GMEB2: variants seen among roughly 807,000 people sequenced by gnomAD.
GMEB2 encodes the protein glucocorticoid modulatory element-binding protein 2.
GMEB2 carries 7 observed loss-of-function variants against 45.7 expected under a neutral mutation model. The observed-to-expected ratio is 0.15, with a 90% confidence interval of 0.09 to 0.29. GMEB2 has a LOEUF of 0.29. Among genes scored for constraint, GMEB2 ranks in the 10% least tolerant of loss-of-function variants. The probability of loss-of-function intolerance (pLI) is 1.00; values close to 1 mark genes in which losing one functional copy is unlikely to be tolerated. For synonymous variants in GMEB2, 322 were observed against 323.6 expected, an observed-to-expected ratio of 1.00 and a Z score of 0.05; for missense variants, 582 against 739.2, an observed-to-expected ratio of 0.79 and a Z score of 2.47.
intron 2 of GMEB2, among the ~76,000 whole-genome samples, chr20:63,609,824 A>C (rs1483017530): frequency 4.9e-3 from 95 of 19,230 alleles, no homozygotes; most frequent in Admixed American, 0.01. Flanking sequence ...CCTCTGACCC[A>C]CACCTCCATT....
chr20:63,592,625 A>G lies in GMEB2; in HGVS notation c.737T>C (p.Leu246Pro). ...GTGGAACTCCTGGATGACCTCGTCC[A>G]GCAGGCCGGCGTCCTTCAGCCCCCG... is the stretch of plus-strand genomic sequence containing the variant. ...FWRGLKDAGL[L>P]DEVIQEFHQE... is the part of the protein sequence containing the mutation. The change falls in exon 8 of 10, where the codon CTG (leucine) becomes CCG (proline). Residue 246 changes from leucine (L) to proline (P), a missense_variant. By Grantham distance (98) the Leu-to-Pro change is moderately conservative. Coordinates refer to ENST00000370077, the MANE Select transcript of GMEB2 (RefSeq NM_012384.5). This position sits in a 1 kb window ranked among gnomAD's most constrained non-coding sequence, Gnocchi z 8.2. 1 of 1,612,974 alleles carries G rather than the reference A, an allele frequency of 6.2e-7. No individual in the cohort carries two copies. Among genetic ancestry groups the G allele is most frequent in the Non-Finnish European group, 8.5e-7 (1 of 1,179,014 alleles).
chr20:63,589,496 T>G lies in GMEB2; in HGVS notation c.*593A>C. ...CGGGGGAGGCAGGCACCCATCAGGA[T>G]CTGCACCCCAAGCTCCGGGTGCATG... On this transcript the variant is annotated 3_prime_UTR_variant, in exon 10 of 10. Transcript: ENST00000370077. 3.5e-6 allele frequency: 1 copy of G among 283,396 alleles called. No homozygotes were observed. Among genetic ancestry groups the G allele is most frequent in the Non-Finnish European group, 6.5e-6 (1 of 152,988 alleles). 17.6% of individuals were successfully genotyped at this position (283,396 alleles called of 1,614,324 possible).
intron 4 of GMEB2, among the ~76,000 whole-genome samples, chr20:63,599,785 G>A (rs891876220): frequency 3.3e-5 from 5 of 152,118 alleles, no homozygotes; most frequent in East Asian, 1.9e-4. Flanking sequence ...GCTCTCACAC[G>A]TGCGTTCCGG....
chr20:63,598,892 T>G (rs1342925957), intron 4 of GMEB2, among the ~76,000 whole-genome samples: 1 of 152,188 alleles, frequency 6.6e-6, no homozygotes, highest in Non-Finnish European at 1.5e-5. Flanking sequence ...GAAACTCAAC[T>G]GCACCCAAAG....
Position 63,590,259 on chromosome 20 carries a change from G to A in GMEB2, c.1423C>T (p.Leu475=), listed in dbSNP as rs761845041. ...AGGCCAGGCAACGTGAGCAGCTGTAGCGGGCTGACCACCTTGAACACCGTG... is the reference window on the plus strand; with the variant it reads ...AGGCCAGGCAACGTGAGCAGCTGTAACGGGCTGACCACCTTGAACACCGTG... ...GSTVFKVVSP[L]QLLTLPGLGP... Residue 475 remains leucine (L), a synonymous_variant, in exon 10 of 10, where the codon CTA becomes TTA. Transcript: ENST00000370077. The A allele has an allele frequency of 1.9e-6, 3 of 1,612,394 alleles. No individual in the cohort carries two copies. Among genetic ancestry groups the A allele is most frequent in the Non-Finnish European group, 2.5e-6 (3 of 1,179,812 alleles).
chr20:63,603,104 C>T lies in GMEB2; in HGVS notation c.230-12G>A, dbSNP rs1429797699. The stretch of plus-strand genomic sequence containing the variant: ...TTCAGCCATCTTCACTTCTCACAGG[C>T]ACATTGACAGGGAAGGGTAAAAGCA... On this transcript the variant is annotated splice_polypyrimidine_tract_variant and intron_variant, in intron 3 of 9. Transcript: ENST00000370077. 3 of 1,613,730 alleles carry T rather than the reference C, an allele frequency of 1.9e-6. No homozygotes were observed. Among genetic ancestry groups the T allele is most frequent in the South Asian group, 2.2e-5 (2 of 91,062 alleles).
Position 63,612,556 on chromosome 20 carries a change from T to G in GMEB2, c.131+6711A>C, listed in dbSNP as rs558725252. ...CCACAGAAATGATCTCAACGTTTTGTAACTTCCTACCAAGAGGCAGTCTTA... is the reference window on the plus strand; with the variant it reads ...CCACAGAAATGATCTCAACGTTTTGGAACTTCCTACCAAGAGGCAGTCTTA... On this transcript the variant is annotated intron_variant, in intron 2 of 9. Coordinates refer to ENST00000370077, the MANE Select transcript of GMEB2 (RefSeq NM_012384.5). Among the ~76,000 whole-genome samples the G allele has an allele frequency of 6.8e-4, 103 of 152,352 alleles. 1 individual carries two copies. The highest frequency in any genetic ancestry group is 2.3e-3 in the African/African-American group (97 of 41,578).
intron 3 of GMEB2, 43 bp from the exon 4 acceptor site, chr20:63,603,135 T>C (rs1012300076): frequency 1.2e-6 from 2 of 1,607,824 alleles, no homozygotes; most frequent in Non-Finnish European, 1.7e-6. Flanking sequence ...AAGCAGAACA[T>C]CAGTTACAAC....
In GMEB2 at chr20:63,592,076, T is replaced by C. The variant is rs765871536; in HGVS notation, c.898A>G (p.Ser300Gly). Residue 300 changes from serine (S) to glycine (G), a missense_variant, in exon 9 of 10, where the codon AGC becomes GGC. Physicochemically the swap from Ser to Gly is moderately conservative, Grantham distance 56 (BLOSUM62 0). This residue lies in a region of GMEB2 where 462 missense variants were observed against 586.7 expected (regional missense o/e 0.79). Coordinates refer to ENST00000370077, the MANE Select transcript of GMEB2 (RefSeq NM_012384.5). This position sits in a 1 kb window ranked among gnomAD's most constrained non-coding sequence, Gnocchi z 8.2. ...GAGCGGTCCATCTGGCACTTGTGGC[T>C]GGCCAGCACCTTCTTCACCAGGTCC... ...MLDLVKKVLA[S>G]HKCQMDRSRE... 3.1e-6 allele frequency: 5 copies of C among 1,613,698 alleles called. No individual in the cohort carries two copies. In the East Asian group the frequency reaches 1.1e-4, roughly 36 times the overall value.
At position 63,615,829 on chromosome 20, in the gene GMEB2, C is replaced by T. The variant is rs116320473; in HGVS notation, c.131+3438G>A. On this transcript the variant is annotated intron_variant, in intron 2 of 9. Coordinates refer to ENST00000370077, the MANE Select transcript of GMEB2 (RefSeq NM_012384.5). ...GCTCCCTTTGTGGGGGTTCATCCAG[C>T]GGAACATGAGGACCTGGGGTGCTTT... Among the ~76,000 whole-genome samples, 879 of 152,152 alleles carry T rather than the reference C, an allele frequency of 5.8e-3. 7 individuals carry two copies. Among genetic ancestry groups the T allele is most frequent in the African/African-American group, 0.021 (856 of 41,520 alleles).
At position 63,597,865 on chromosome 20, in the gene GMEB2, G is replaced by T. The variant is rs780660357; in HGVS notation, c.358-5C>A. 1.9e-6 allele frequency: 3 copies of T among 1,542,706 alleles called. No homozygotes were observed. Among genetic ancestry groups the T allele is most frequent in the East Asian group, 2.2e-5 (1 of 44,536 alleles). On this transcript the variant is annotated splice_polypyrimidine_tract_variant and splice_region_variant and intron_variant, in intron 4 of 9. Coordinates refer to ENST00000370077, the MANE Select transcript of GMEB2 (RefSeq NM_012384.5). ...GCTGATTACATGCTCGTCGTACTGT[G>T]GGGGACACAGTCATGTGGGTCAAGC...
chr20:63,587,928 A>G lies in GMEB2; in HGVS notation c.*2161T>C, dbSNP rs2083108388. On this transcript the variant is annotated 3_prime_UTR_variant, in exon 10 of 10. Transcript: ENST00000370077. The stretch of plus-strand genomic sequence containing the variant: ...GGAGGAGCCGGGGGCGGTGCTGACA[A>G]CAACCTTCCCCACCCACTGCAGTGT... The G allele has an allele frequency of 6.6e-6, 1 of 152,336 alleles. No homozygotes were observed. The highest frequency in any genetic ancestry group is 1.5e-5 in the Non-Finnish European group (1 of 68,082). 9.4% of individuals were successfully genotyped at this position (152,336 alleles called of 1,614,324 possible).
intron 4 of GMEB2, among the ~76,000 whole-genome samples, chr20:63,598,625 T>C (rs1202985552): frequency 6.6e-6 from 1 of 152,110 alleles, no homozygotes; most frequent in Non-Finnish European, 1.5e-5. Context: ...CGTGCCCAAG[T>C]CTAGCTTGCT....
Position 63,590,455 on chromosome 20 carries a change from G to T in GMEB2, c.1227C>A (p.Val409=). The T allele has an allele frequency of 6.6e-7, 1 of 1,523,280 alleles. No individual in the cohort carries two copies. Among genetic ancestry groups the T allele is most frequent in the Non-Finnish European group, 8.9e-7 (1 of 1,129,284 alleles). The allele number at this position is 1,523,280 out of a possible 1,614,324, so 94.4% of individuals were successfully genotyped here. Residue 409 remains valine (V), a synonymous_variant, in exon 10 of 10, where the codon GTC becomes GTA. Transcript: ENST00000370077. ...GKVVSTLPST[V]LGKGSLQAPP... ...GCGCCTGAAGGGAACCCTTGCCCAG[G>T]ACGGTGGACGGCAGGGTGGACACCA...
chr20:63,594,992 C>T (rs2083181874), intron 6 of GMEB2, among the ~76,000 whole-genome samples: 1 of 152,210 alleles, frequency 6.6e-6, no homozygotes, highest in African/African-American at 2.4e-5. Context: ...GCCTCGGCTT[C>T]CCAAAGTGCT....
chr20:63,590,955 G>A (rs1215249209), intron 9 of GMEB2, among the ~76,000 whole-genome samples: 1 of 152,136 alleles, frequency 6.6e-6, no homozygotes, highest in Non-Finnish European at 1.5e-5. Flanking sequence ...AGCCTGTGCT[G>A]ACCCAGGGTC....
At chr20:63,601,858 G>A (rs1234484168) in intron 4 of GMEB2, among the ~76,000 whole-genome samples, 1 of 141,422 alleles carries the variant, frequency 7.1e-6, no homozygotes, top group African/African-American at 2.6e-5. Context: ...TGGCTTCCGT[G>A]GGGCCTGTGG....
chr20:63,590,290 G>A lies in GMEB2; in HGVS notation c.1392C>T (p.Asp464=), dbSNP rs573487608. The change falls in exon 10 of 10, where the codon GAC becomes GAT. Residue 464 remains aspartate (D), a synonymous_variant. Transcript: ENST00000370077. The part of the protein sequence containing the change: ...LTVLSTAAVQ[D]GSTVFKVVSP... Reference sequence around the variant, plus strand: ...TGACCACCTTGAACACCGTGCTACCGTCCTGCACGGCGGCCGTGCTCAGGA... The same window carrying A: ...TGACCACCTTGAACACCGTGCTACCATCCTGCACGGCGGCCGTGCTCAGGA... 2.5e-5 allele frequency: 41 copies of A among 1,612,430 alleles called. No individual in the cohort carries two copies. Among genetic ancestry groups the A allele is most frequent in the African/African-American group, 4.0e-5 (3 of 74,942 alleles).
chr20:63,589,774 C>G lies in GMEB2; in HGVS notation c.*315G>C. The G allele has an allele frequency of 3.8e-6, 1 of 264,240 alleles. No homozygotes were observed. Among genetic ancestry groups the G allele is most frequent in the Non-Finnish European group, 7.1e-6 (1 of 140,486 alleles). The allele number at this position is 264,240 out of a possible 1,614,324, so 16.4% of individuals were successfully genotyped here. ...CTGTCTCTGCTGCACCCAGGCTCCCCCTAGCCCCCGCCCACCTGGCTCCTG... is the reference window on the plus strand; with the variant it reads ...CTGTCTCTGCTGCACCCAGGCTCCCGCTAGCCCCCGCCCACCTGGCTCCTG... On this transcript the variant is annotated 3_prime_UTR_variant, in exon 10 of 10. Coordinates refer to ENST00000370077, the MANE Select transcript of GMEB2 (RefSeq NM_012384.5).
Sources: allele counts gnomAD v4.1 joint callset (sites outside exome capture counted in the v4.1 genomes callset), GRCh38; gene constraint gnomAD v4.1.1; regional missense constraint gnomAD v4.1.1; non-coding constraint Gnocchi (gnomAD v3.1); transcripts MANE v1.5; gene names NCBI Gene and HGNC (gene_info 2026-07-23, HGNC 2026-07-21).